Variants in FAM83H observed in about 807,000 individuals in gnomAD.
FAM83H encodes the protein scaffolding CK1 anchoring protein H.
Under a neutral mutation model 30.2 loss-of-function variants are expected in FAM83H, and 24 were observed. The observed-to-expected ratio is 0.79, with a 90% confidence interval of 0.57 to 1.12. FAM83H has a LOEUF of 1.12. FAM83H is among the 50% of genes most tolerant of loss of function. FAM83H has a pLI of 0.00. For missense variants in FAM83H, 2,038 were observed against 1,773.9 expected (o/e 1.15, Z -2.67); for synonymous variants, 1,013 against 821.7 (o/e 1.23, Z -3.98).
In FAM83H at chr8:143,729,020, G is replaced by C. The variant is rs782754623; in HGVS notation, c.684C>G (p.Val228=). 6.2e-7 allele frequency: 1 copy of C among 1,613,594 alleles called. No homozygotes were observed. The highest frequency in any genetic ancestry group is 1.3e-5 in the African/African-American group (1 of 74,898). The change falls in exon 4 of 5, where the codon GTC becomes GTG. Residue 228 remains valine (V), a synonymous_variant. Transcript: ENST00000388913. ...CRTGKSFKGH[V]KEKFLLVDCA... is the part of the protein sequence containing the mutation. ...AGTCCACCAGCAGGAACTTCTCCTT[G>C]ACGTGGCCCTTGAAGGACTTCCCAG...
intron 2 of FAM83H, 78 bp from the exon 3 acceptor site, chr8:143,729,401 G>T: frequency 6.5e-6 from 10 of 1,531,762 alleles, no homozygotes; most frequent in Non-Finnish European, 9.0e-6. Context: ...TCCACACCCG[G>T]GAGGTGTCTG....
Position 143,725,156 on chromosome 8 carries a change from C to CGGGGGGGGGGGGGGGGGGGGGGGG in FAM83H, c.*764_*765insCCCCCCCCCCCCCCCCCCCCCCCC, listed in dbSNP as rs549881150. On this transcript the variant is annotated 3_prime_UTR_variant, in exon 5 of 5. Transcript: ENST00000388913. ...AAGCCCAGGCGGGGGAGGGGGGAGA[C>CGGGGGGGGGGGGGGGGGGGGGGGG]GGGGGGGGGGGGGGGGGAGGGAAGG... The CGGGGGGGGGGGGGGGGGGGGGGGG allele has an allele frequency of 1.6e-4, 6 of 37,560 alleles. No homozygotes were observed. Among genetic ancestry groups the CGGGGGGGGGGGGGGGGGGGGGGGG allele is most frequent in the Admixed American group, 7.1e-4 (3 of 4,216 alleles). 2.3% of individuals were successfully genotyped at this position (37,560 alleles called of 1,614,324 possible).
chr8:143,729,485 G>T (rs1428967068), intron 2 of FAM83H, among the ~76,000 whole-genome samples, 162 bp from the exon 3 acceptor site: 1 of 152,212 alleles, frequency 6.6e-6, no homozygotes, highest in African/African-American at 2.4e-5. Flanking sequence ...AGATGGGCAG[G>T]AAGAAGGGAC....
rs782399988 is a variant in FAM83H at position 143,728,196 on chromosome 8, T to C, written c.1265A>G (p.Asn422Ser). 1 of 1,603,468 alleles carries C rather than the reference T, an allele frequency of 6.2e-7. No homozygotes were observed. The highest frequency in any genetic ancestry group is 2.2e-5 in the East Asian group (1 of 44,630). Residue 422 changes from asparagine (N) to serine (S), a missense_variant, in exon 5 of 5, where the codon AAC becomes AGC. Physicochemically the swap from Asn to Ser is conservative, Grantham distance 46. Coordinates refer to ENST00000388913, the MANE Select transcript of FAM83H (RefSeq NM_198488.5). Reference sequence around the variant, plus strand: ...CGACACCTGCCGCGCGGCCGCGAAGTTCTCCACGGCGCCCGCGCCCTCGGT... The same window carrying C: ...CGACACCTGCCGCGCGGCCGCGAAGCTCTCCACGGCGCCCGCGCCCTCGGT... ...FATEGAGAVENFAAARQVSRQ... is the reference protein window; with the variant it reads ...FATEGAGAVESFAAARQVSRQ...
chr8:143,733,557 C>T lies in FAM83H; in HGVS notation c.-16+134G>A, dbSNP rs1321995224. Reference sequence around the variant, plus strand: ...CCCGCGCACGCGGCCGCGCTCCACTCCCACCGCCCCTCTCTGGGTCGCGCG... The same window carrying T: ...CCCGCGCACGCGGCCGCGCTCCACTTCCACCGCCCCTCTCTGGGTCGCGCG... On this transcript the variant is annotated intron_variant, in intron 1 of 4. Transcript: ENST00000388913. This position sits in a 1 kb window ranked among gnomAD's most constrained non-coding sequence, Gnocchi z 5.6. 6.6e-6 allele frequency: 1 copy of T among 151,710 alleles called. No homozygotes were observed. The highest frequency in any genetic ancestry group is 2.4e-5 in the African/African-American group (1 of 41,348). The allele number at this position is 151,710 out of a possible 1,614,324, so 9.4% of individuals were successfully genotyped here.
At chr8:143,729,428 T>C (rs1818432004) in intron 2 of FAM83H, 105 bp from the exon 3 acceptor site, 2 of 1,312,258 alleles carry the variant, frequency 1.5e-6, no homozygotes, top group African/African-American at 1.5e-5. Context: ...CCACGACCAC[T>C]GTGAAACAAG....
chr8:143,727,356 G>A lies in FAM83H; in HGVS notation c.2105C>T (p.Ala702Val), dbSNP rs1554622522. ...QAEGAAGAAA[A>V]TEKVQLLHKE... ...GTGCAGCAGCTGCACCTTCTCAGTG[G>A]CCGCCGCAGCCCCGGCCGCGCCCTC... is the stretch of plus-strand genomic sequence containing the variant. The change falls in exon 5 of 5, where the codon GCC becomes GTC. Residue 702 changes from alanine to valine, a missense_variant. Physicochemically the swap from Ala to Val is moderately conservative, Grantham distance 64 (BLOSUM62 0). Coordinates refer to ENST00000388913, the MANE Select transcript of FAM83H (RefSeq NM_198488.5). 2 of 1,568,100 alleles carry A rather than the reference G, an allele frequency of 1.3e-6. No homozygotes were observed. Among genetic ancestry groups the A allele is most frequent in the East Asian group, 2.3e-5 (1 of 43,336 alleles).
intron 4 of FAM83H, 71 bp from the exon 5 acceptor site, chr8:143,728,794 G>A: frequency 2.5e-6 from 4 of 1,597,972 alleles, no homozygotes; most frequent in Non-Finnish European, 3.4e-6. Flanking sequence ...GGCAGCGGGT[G>A]GGGCGCGGAG....
At chr8:143,732,626 A>C (rs1818568246) in intron 1 of FAM83H, 2 of 985,382 alleles carry the variant, frequency 2.0e-6, no homozygotes, top group Non-Finnish European at 2.4e-6. Context: ...CCCTCCCAGC[A>C]GACATGCCTC....
chr8:143,730,681 G>A, intron 1 of FAM83H, 84 bp from the exon 2 acceptor site: 1 of 1,015,080 alleles, frequency 9.9e-7, no homozygotes, highest in Non-Finnish European at 1.4e-6. Flanking sequence ...TGTGGAAAGG[G>A]CCGTCAGTGA....
At position 143,727,771 on chromosome 8, in the gene FAM83H, C is replaced by G. The variant is rs1225584527; in HGVS notation, c.1690G>C (p.Ala564Pro). The change falls in exon 5 of 5, where the codon GCG becomes CCG. Residue 564 changes from alanine to proline, a missense_variant. Coordinates refer to ENST00000388913, the MANE Select transcript of FAM83H (RefSeq NM_198488.5). ...GGCCCGCCCCTGCGCTCCGGCTCCGCCTCGGGAGCGGGGTCTGGGCCCGGC... is the reference window on the plus strand; with the variant it reads ...GGCCCGCCCCTGCGCTCCGGCTCCGGCTCGGGAGCGGGGTCTGGGCCCGGC... ...ARPGPDPAPE[A>P]EPERRGGPEG... 4.1e-6 allele frequency: 6 copies of G among 1,458,888 alleles called. No homozygotes were observed. The highest frequency in any genetic ancestry group is 5.4e-6 in the Non-Finnish European group (6 of 1,113,448). The allele number at this position is 1,458,888 out of a possible 1,614,324, so 90.4% of individuals were successfully genotyped here. A position where few individuals can be genotyped will look rare whatever the true frequency, so the allele number is the denominator to read the frequency against.
Position 143,725,855 on chromosome 8 carries a change from G to T in FAM83H, c.*66C>A. 1.3e-6 allele frequency: 2 copies of T among 1,584,530 alleles called. No individual in the cohort carries two copies. The highest frequency in any genetic ancestry group is 1.7e-6 in the Non-Finnish European group (2 of 1,164,410). On this transcript the variant is annotated 3_prime_UTR_variant, in exon 5 of 5. Transcript: ENST00000388913. ...GCAGATGAGCAGGGCTCTCTGTTCCGCGGGGCTTCTGGATGACCGGGGCAG... is the reference window on the plus strand; with the variant it reads ...GCAGATGAGCAGGGCTCTCTGTTCCTCGGGGCTTCTGGATGACCGGGGCAG...
Position 143,731,853 on chromosome 8 carries a change from C to T in FAM83H, c.-15-1256G>A, listed in dbSNP as rs547869707. On this transcript the variant is annotated intron_variant, in intron 1 of 4. Transcript: ENST00000388913. Reference sequence around the variant, plus strand: ...GGTCCCTGCGGGGGCCTGGCCTCTCCAGAAAGGTGTCAGATGGGGAGCGCC... The same window carrying T: ...GGTCCCTGCGGGGGCCTGGCCTCTCTAGAAAGGTGTCAGATGGGGAGCGCC... The T allele has an allele frequency of 9.1e-6, 9 of 985,424 alleles. No homozygotes were observed. In the East Asian group the frequency reaches 1.0e-3, roughly 112 times the overall value. 61.0% of individuals were successfully genotyped at this position (985,424 alleles called of 1,614,324 possible).
In FAM83H at chr8:143,728,617, C is replaced by G; in HGVS notation, c.844G>C (p.Glu282Gln). 1.2e-6 allele frequency: 2 copies of G among 1,609,612 alleles called. No individual in the cohort carries two copies. The highest frequency in any genetic ancestry group is 1.7e-5 in the Admixed American group (1 of 59,882). The change falls in exon 5 of 5, where the codon GAG (glutamate) becomes CAG (glutamine). Residue 282 changes from glutamate (E) to glutamine (Q), a missense_variant. Glu to Gln is a conservative substitution (Grantham distance 29). Coordinates refer to ENST00000388913, the MANE Select transcript of FAM83H (RefSeq NM_198488.5). ...EEFRILFAQS[E>Q]PLVPSAAALA... ...GCCGCGGCCGAGGGCACAAGCGGCT[C>G]GGACTGCGCGAAGAGGATGCGGAAC...
At chr8:143,730,012 G>T in intron 2 of FAM83H, 124 bp downstream of exon 2, 1 of 877,556 alleles carries the variant, frequency 1.1e-6, no homozygotes, top group Non-Finnish European at 1.7e-6. Context: ...TCTTTGCCAG[G>T]GACCCCCACT....
chr8:143,726,269 C>T lies in FAM83H; in HGVS notation c.3192G>A (p.Pro1064=), dbSNP rs77431583. The T allele has an allele frequency of 2.1e-3, 3,316 of 1,612,136 alleles. 66 individuals carry two copies. In the African/African-American group the frequency reaches 0.039, roughly 19 times the overall value. ...HRAVPAPSPG[P]THNSPELGRP... is the part of the protein sequence containing the mutation. ...GGCCTAGCTCGGGGCTGTTGTGGGT[C>T]GGGCCGGGGCTCGGGGCAGGGACCG... Residue 1064 remains proline (P), a synonymous_variant, in exon 5 of 5, where the codon CCG becomes CCA. Transcript: ENST00000388913.
In FAM83H at chr8:143,725,806, C is replaced by G. The variant is rs782626052; in HGVS notation, c.*115G>C. The G allele has an allele frequency of 2.0e-6, 3 of 1,528,696 alleles. No individual in the cohort carries two copies. Among genetic ancestry groups the G allele is most frequent in the Non-Finnish European group, 8.8e-7 (1 of 1,132,724 alleles). The allele number at this position is 1,528,696 out of a possible 1,614,324, so 94.7% of individuals were successfully genotyped here. On this transcript the variant is annotated 3_prime_UTR_variant, in exon 5 of 5. Transcript: ENST00000388913. ...CGCACTCAGCCAAGCCCCAAGCGGC[C>G]GTGGCCTGACAGCCGCTGCTCAAGC...
At position 143,727,804 on chromosome 8, in the gene FAM83H, C is replaced by T. The variant is rs1818360054; in HGVS notation, c.1657G>A (p.Ala553Thr). Residue 553 changes from alanine to threonine, a missense_variant, in exon 5 of 5, where the codon GCG becomes ACG. Transcript: ENST00000388913. ...GCGGGGTCTGGGCCCGGCCTCGCCG[C>T]GGCCTGGCATGGGAAGCGCTGGGTC... is the stretch of plus-strand genomic sequence containing the variant. ...NLTQRFPCQAAARPGPDPAPE... is the reference protein window; with the variant it reads ...NLTQRFPCQATARPGPDPAPE... The T allele has an allele frequency of 2.2e-6, 3 of 1,339,700 alleles. No homozygotes were observed. Among genetic ancestry groups the T allele is most frequent in the South Asian group, 1.9e-5 (1 of 53,120 alleles). The allele number at this position is 1,339,700 out of a possible 1,614,324, so 83.0% of individuals were successfully genotyped here. A position where few individuals can be genotyped will look rare whatever the true frequency, so the allele number is the denominator to read the frequency against.
rs370205441 is a variant in FAM83H, at chr8:143,730,521, G to A, written c.62C>T (p.Pro21Leu). Residue 21 changes from proline to leucine, a missense_variant, in exon 2 of 5, where the codon CCG becomes CTG. Coordinates refer to ENST00000388913, the MANE Select transcript of FAM83H (RefSeq NM_198488.5). ...GDNPLAPGYL[P>L]PHYKEYYRLA... The stretch of plus-strand genomic sequence containing the variant: ...GCGGTAGTACTCTTTGTAGTGAGGC[G>A]GCAGGTACCCGGGTGCCAGTGGGTT... 1.3e-5 allele frequency: 20 copies of A among 1,584,038 alleles called. No individual in the cohort carries two copies. The highest frequency in any genetic ancestry group is 1.7e-4 in the Middle Eastern group (1 of 5,888).
Sources: allele counts gnomAD v4.1 joint callset (sites outside exome capture counted in the v4.1 genomes callset), GRCh38; gene constraint gnomAD v4.1.1; non-coding constraint Gnocchi (gnomAD v3.1); transcripts MANE v1.5; gene names NCBI Gene and HGNC (gene_info 2026-07-23, HGNC 2026-07-21).